Variants in SGCZ observed in about 807,000 individuals in gnomAD.
SGCZ encodes sarcoglycan zeta.
A neutral mutation model predicts 41.3 loss-of-function variants in SGCZ; 40 were observed. That is an observed-to-expected ratio of 0.97 (90% confidence interval 0.75 to 1.26). The LOEUF is 1.26. Ranked by LOEUF, SGCZ falls within the 50% of genes most tolerant of loss-of-function variation. The pLI, the probability that SGCZ is intolerant of heterozygous loss-of-function variation, is 0.00. For missense variants in SGCZ, 552 were observed against 369.8 expected (o/e 1.49, Z -4.04); for synonymous variants, 206 against 137.5 (o/e 1.50, Z -3.49).
At chr8:14,553,196 A>ATGAT (rs1375450456) in intron 2 of SGCZ, among the ~76,000 whole-genome samples, 1 of 151,972 alleles carries the variant, frequency 6.6e-6, no homozygotes, top group Non-Finnish European at 1.5e-5. Context: ...GAACAGAAAT[A>ATGAT]TGATGGCTAG....
At chr8:14,525,215 T>C (rs1012177616) in intron 2 of SGCZ, among the ~76,000 whole-genome samples, 3 of 151,916 alleles carry the variant, frequency 2.0e-5, no homozygotes, top group Admixed American at 2.0e-4. Context: ...CAGACAGATG[T>C]TTCCACTATC....
chr8:14,368,459 A>G (rs73664322), intron 2 of SGCZ, among the ~76,000 whole-genome samples: 10,574 of 152,154 alleles, frequency 0.069, 1,123 homozygotes, highest in African/African-American at 0.23. Flanking sequence ...TGAATTAATT[A>G]GTGAACTTAT....
intron 1 of SGCZ, among the ~76,000 whole-genome samples, chr8:15,155,428 C>G (rs1347656376): frequency 2.6e-5 from 4 of 152,140 alleles, no homozygotes; most frequent in African/African-American, 9.7e-5. Flanking sequence ...TATGTGCCAA[C>G]TGAAATAATG....
At chr8:15,146,255 G>A (rs1330686526) in intron 1 of SGCZ, among the ~76,000 whole-genome samples, 1 of 152,086 alleles carries the variant, frequency 6.6e-6, no homozygotes, top group African/African-American at 2.4e-5. Flanking sequence ...AAAATATAAT[G>A]ATGTAAATGC....
chr8:15,065,179 C>G (rs1008676519), intron 1 of SGCZ, among the ~76,000 whole-genome samples: 1 of 152,062 alleles, frequency 6.6e-6, no homozygotes, highest in Non-Finnish European at 1.5e-5. Flanking sequence ...AGACCCACTC[C>G]GCTGTGCCTT....
intron 1 of SGCZ, among the ~76,000 whole-genome samples, chr8:14,889,163 G>GA (rs929212208): frequency 1.3e-4 from 20 of 152,032 alleles, no homozygotes; most frequent in Admixed American, 1.3e-3. Flanking sequence ...CTGATTCAGT[G>GA]AAAAAATGGC....
chr8:14,127,843 T>G (rs1802913435), intron 5 of SGCZ, among the ~76,000 whole-genome samples: 1 of 152,156 alleles, frequency 6.6e-6, no homozygotes, highest in Admixed American at 6.5e-5. Flanking sequence ...CAGGGGATTT[T>G]TGTACAAATT....
chr8:14,185,254 A>T (rs1804865143), intron 4 of SGCZ, among the ~76,000 whole-genome samples: 2 of 152,038 alleles, frequency 1.3e-5, no homozygotes, highest in Admixed American at 1.3e-4. Context: ...ATACAAAAAA[A>T]TTAGCTGCAC....
chr8:14,530,641 A>G (rs1803099064), intron 2 of SGCZ, among the ~76,000 whole-genome samples: 1 of 151,670 alleles, frequency 6.6e-6, no homozygotes, highest in South Asian at 2.1e-4. Flanking sequence ...AATCATCAAA[A>G]ACCAGTTAAA....
chr8:14,227,789 G>A (rs760207714), intron 4 of SGCZ, among the ~76,000 whole-genome samples: 8 of 151,836 alleles, frequency 5.3e-5, no homozygotes, highest in Non-Finnish European at 8.8e-5. Flanking sequence ...TTCCCACTAC[G>A]GTTTATTTTT....
At chr8:14,635,220 T>C (rs1806789922) in intron 1 of SGCZ, among the ~76,000 whole-genome samples, 1 of 151,936 alleles carries the variant, frequency 6.6e-6, no homozygotes, top group African/African-American at 2.4e-5. Flanking sequence ...ATTCTTTTTC[T>C]GCTTTAGAAA....
At chr8:14,672,085 G>A (rs776807062) in intron 1 of SGCZ, among the ~76,000 whole-genome samples, 7 of 152,116 alleles carry the variant, frequency 4.6e-5, no homozygotes, top group Non-Finnish European at 7.4e-5. Context: ...GGAAATAGAG[G>A]AAGAGTACTG....
At chr8:14,458,721 C>T (rs898104623) in intron 2 of SGCZ, among the ~76,000 whole-genome samples, 14 of 152,154 alleles carry the variant, frequency 9.2e-5, no homozygotes, top group African/African-American at 3.4e-4. Flanking sequence ...ACCTACCTAC[C>T]TATAATCTAT....
intron 1 of SGCZ, among the ~76,000 whole-genome samples, chr8:14,849,171 G>C (rs1424391745): frequency 1.3e-5 from 2 of 152,064 alleles, no homozygotes; most frequent in Admixed American, 6.6e-5. Context: ...GAGACTGCTT[G>C]TGTCGACCAG....
At position 14,321,259 on chromosome 8, in the gene SGCZ, A is replaced by T. The variant is rs964449960; in HGVS notation, c.336+2844T>A. 2.4e-3 allele frequency among the ~76,000 whole-genome samples: 361 copies of T among 152,208 alleles called. 2 individuals carry two copies. The highest frequency in any genetic ancestry group is 8.3e-3 in the African/African-American group (345 of 41,550). On this transcript the variant is annotated intron_variant, in intron 3 of 7. Transcript: ENST00000382080. ...GAATTCTAAGATATTTCCTGGATAC[A>T]CTATGATATGTTTTTCTGTTTACTT...
intron 2 of SGCZ, among the ~76,000 whole-genome samples, chr8:14,450,624 T>A (rs964892899): frequency 6.6e-6 from 1 of 152,134 alleles, no homozygotes; most frequent in East Asian, 1.9e-4. Context: ...ACCAATTTTT[T>A]AAAAAAAGTA....
At chr8:14,475,877 T>C (rs1452520161) in intron 2 of SGCZ, among the ~76,000 whole-genome samples, 5 of 152,140 alleles carry the variant, frequency 3.3e-5, no homozygotes, top group African/African-American at 4.8e-5. Context: ...TCTGTGTCAC[T>C]CAGGCTGGAA....
chr8:14,682,812 G>C (rs1310040058), intron 1 of SGCZ, among the ~76,000 whole-genome samples: 1 of 152,124 alleles, frequency 6.6e-6, no homozygotes, highest in Admixed American at 6.6e-5. Context: ...AATCTAAATA[G>C]CCATTTGAAT....
At chr8:14,237,476 C>G (rs904254614) in intron 4 of SGCZ, 116 bp downstream of exon 4, 2 of 968,892 alleles carry the variant, frequency 2.1e-6, no homozygotes, top group Non-Finnish European at 3.2e-6. Context: ...GAGTGAGACT[C>G]TGTCTCAAAA....
Sources: allele counts gnomAD v4.1 joint callset (sites outside exome capture counted in the v4.1 genomes callset), GRCh38; gene constraint gnomAD v4.1.1; transcripts MANE v1.5; gene names NCBI Gene and HGNC (gene_info 2026-07-23, HGNC 2026-07-21).